GABRA3: variants seen among roughly 807,000 people sequenced by gnomAD.
GABRA3 encodes gamma-aminobutyric acid receptor subunit alpha-3.
GABRA3 carries 10 observed loss-of-function variants against 30.1 expected under a neutral mutation model. The observed-to-expected ratio is 0.33, with a 90% CI of 0.20 to 0.56. The LOEUF is 0.56. Ranked by LOEUF, GABRA3 falls within the 20% of genes least tolerant of loss-of-function variation. The pLI is 0.89. For missense variants in GABRA3, 233 were observed against 392.0 expected, an observed-to-expected ratio of 0.59 and a Z score of 3.42; for synonymous variants, 151 against 146.8, an observed-to-expected ratio of 1.03 and a Z score of -0.21.
At chrX:152,227,625 T>G (rs1396217611) in intron 5 of GABRA3, among the ~76,000 whole-genome samples, 3 of 106,429 alleles carry the variant, frequency 2.8e-5, no homozygotes, top group Non-Finnish European at 5.8e-5. Context: ...AAAAAGAACA[T>G]TCCCATCAGT....
chrX:152,221,899 T>C (rs753661006), intron 6 of GABRA3, among the ~76,000 whole-genome samples: 1 of 111,634 alleles, frequency 9.0e-6, no homozygotes, highest in African/African-American at 3.3e-5. Context: ...AACCCCAGTG[T>C]GTGGTGTTCC....
chrX:152,267,323 TG>T (rs1221903604), intron 4 of GABRA3, among the ~76,000 whole-genome samples: 1 of 112,282 alleles, frequency 8.9e-6, no homozygotes, highest in Admixed American at 9.5e-5. Flanking sequence ...TTTATTAATT[TG>T]TATATGTTGA....
At position 152,205,494 on chromosome X, in the gene GABRA3, A is replaced by G. The variant is rs184908603; in HGVS notation, c.778+2507T>C. 1.4e-4 allele frequency among the ~76,000 whole-genome samples: 16 copies of G among 111,977 alleles called. No individual in the cohort carries two copies. In the East Asian group the frequency reaches 4.5e-3, roughly 31 times the overall value. On this transcript the variant is annotated intron_variant, in intron 7 of 9. Transcript: ENST00000370314. The stretch of plus-strand genomic sequence containing the variant: ...TGATTGTTTAAATAGATTGTGATCC[A>G]TCTATATGAGGACATTACCAAAAAA...
At chrX:152,233,483 A>G (rs1210247162) in intron 5 of GABRA3, among the ~76,000 whole-genome samples, 1 of 109,810 alleles carries the variant, frequency 9.1e-6, no homozygotes, top group Non-Finnish European at 1.9e-5. Context: ...AATGCAAATC[A>G]AAACCACAAT....
rs190121277 is a variant in GABRA3 at position 152,275,970 on chromosome X, T to C, written c.330+8698A>G. Among the ~76,000 whole-genome samples, 3 of 110,300 alleles carry C rather than the reference T, an allele frequency of 2.7e-5. No individual in the cohort carries two copies. In the Admixed American group the frequency reaches 3.0e-4, roughly 11 times the overall value. On this transcript the variant is annotated intron_variant, in intron 4 of 9. Coordinates refer to ENST00000370314, the MANE Select transcript of GABRA3 (RefSeq NM_000808.4). Reference sequence around the variant, plus strand: ...TACCTCCCTGTAAAATCCGATTTTTTTAAGGAATGAAAAGATGGTCTAATA... The same window carrying C: ...TACCTCCCTGTAAAATCCGATTTTTCTAAGGAATGAAAAGATGGTCTAATA...
intron 6 of GABRA3, among the ~76,000 whole-genome samples, chrX:152,218,720 G>C (rs1181213385): frequency 9.0e-6 from 1 of 111,093 alleles, no homozygotes. Context: ...AATCTTCAAG[G>C]CTTCTACAGA....
At chrX:152,231,432 T>A (rs1938078930) in intron 5 of GABRA3, among the ~76,000 whole-genome samples, 1 of 110,352 alleles carries the variant, frequency 9.1e-6, no homozygotes, top group Admixed American at 9.7e-5. Flanking sequence ...ATTAGTCATT[T>A]AAAAAATGCA....
At chrX:152,385,588 T>C (rs1929278804) in intron 1 of GABRA3, among the ~76,000 whole-genome samples, 1 of 111,960 alleles carries the variant, frequency 8.9e-6, no homozygotes, top group Non-Finnish European at 1.9e-5. Context: ...CAGAAGCTCT[T>C]TAGTGTAATT....
At chrX:152,238,973 T>C (rs1424039224) in intron 5 of GABRA3, among the ~76,000 whole-genome samples, 1 of 110,990 alleles carries the variant, frequency 9.0e-6, no homozygotes, top group Non-Finnish European at 1.9e-5. Context: ...TTTTGAAGGG[T>C]TTCTTGTGTC....
chrX:152,362,681 G>A lies in GABRA3; in HGVS notation c.140+1750C>T, dbSNP rs759490831. Reference sequence around the variant, plus strand: ...GAGAGACAACATCAGATTAAACTAGGGTGCTAGCAGAAAAGTTGGAAAAAA... The same window carrying A: ...GAGAGACAACATCAGATTAAACTAGAGTGCTAGCAGAAAAGTTGGAAAAAA... On this transcript the variant is annotated intron_variant, in intron 2 of 9. Coordinates refer to ENST00000370314, the MANE Select transcript of GABRA3 (RefSeq NM_000808.4). 5.4e-5 allele frequency among the ~76,000 whole-genome samples: 6 copies of A among 111,583 alleles called. No individual in the cohort carries two copies. The South Asian group carries it at 2.3e-3, about 42-fold the overall frequency.
rs184935535 is a variant in GABRA3, at chrX:152,197,804, T to A, written c.779-19A>T. On this transcript the variant is annotated intron_variant, in intron 7 of 9. Coordinates refer to ENST00000370314, the MANE Select transcript of GABRA3 (RefSeq NM_000808.4). ...TATTCTCCTAAAGAGAGAGTAAAATTAGGCAGTATGTAGCTACATAAACAT... is the reference window on the plus strand; with the variant it reads ...TATTCTCCTAAAGAGAGAGTAAAATAAGGCAGTATGTAGCTACATAAACAT... The A allele has an allele frequency of 3.5e-5, 41 of 1,174,210 alleles. No individual in the cohort carries two copies. In the African/African-American group the frequency reaches 6.4e-4, roughly 18 times the overall value.
chrX:152,260,298 C>A (rs140735531), intron 4 of GABRA3, among the ~76,000 whole-genome samples: 4,313 of 111,501 alleles, frequency 0.039, 93 homozygotes, highest in Non-Finnish European at 0.05. Context: ...CTGCCAAGGG[C>A]CTGGAAGAAT....
At chrX:152,378,767 G>A (rs1043587813) in intron 1 of GABRA3, among the ~76,000 whole-genome samples, 1 of 111,166 alleles carries the variant, frequency 9.0e-6, no homozygotes, top group Non-Finnish European at 1.9e-5. Flanking sequence ...ACTACATATT[G>A]TTCATGAGTC....
intron 1 of GABRA3, 70 bp downstream of exon 1, chrX:152,451,076 G>C (rs1327651201): frequency 4.4e-5 from 5 of 112,587 alleles, no homozygotes; most frequent in African/African-American, 1.3e-4. Context: ...TCAGTACGGG[G>C]GAGAGATGCT....
chrX:152,415,893 G>C (rs1930201404), intron 1 of GABRA3, among the ~76,000 whole-genome samples: 1 of 111,081 alleles, frequency 9.0e-6, no homozygotes, highest in South Asian at 3.7e-4. Flanking sequence ...AATAAGATAA[G>C]ACTCAGAAAG....
intron 1 of GABRA3, among the ~76,000 whole-genome samples, chrX:152,441,752 A>C (rs147940002): frequency 1.3e-3 from 147 of 110,715 alleles, no homozygotes; most frequent in African/African-American, 4.8e-3. Flanking sequence ...TTGTGTATAA[A>C]TGATATTTAA....
chrX:152,251,133 G>A (rs752964129), intron 5 of GABRA3: 8 of 331,941 alleles, frequency 2.4e-5, no homozygotes, highest in East Asian at 1.0e-4. Context: ...GTAGGAAACC[G>A]ATGGCTTCAT....
intron 5 of GABRA3, among the ~76,000 whole-genome samples, chrX:152,231,783 T>C (rs1276533373): frequency 3.6e-5 from 4 of 111,976 alleles, no homozygotes; most frequent in African/African-American, 1.3e-4. Context: ...TTATTGTGAC[T>C]GGATGAACAA....
chrX:152,269,037 T>G (rs1192266268), intron 4 of GABRA3, among the ~76,000 whole-genome samples: 7 of 112,146 alleles, frequency 6.2e-5, no homozygotes, highest in Admixed American at 5.7e-4. Context: ...TCCTTGAAAT[T>G]GTTCAGACTT....
Sources: gnomAD v4.1 joint callset for allele counts (sites outside exome capture counted in the v4.1 genomes callset) on GRCh38, gnomAD v4.1.1 for gene constraint, MANE v1.5 for transcripts, NCBI Gene and HGNC (gene_info 2026-07-23, HGNC 2026-07-21) for gene names.